The following LARP1 variants were observed in gnomAD, a reference collection of about 807,000 sequenced individuals.
LARP1 encodes La ribonucleoprotein 1, translational regulator.
A neutral mutation model predicts 122.7 loss-of-function variants in LARP1; 36 were observed. That is an observed-to-expected ratio of 0.29 (90% CI 0.22 to 0.39). The LOEUF (loss-of-function observed/expected upper bound fraction) is 0.39, where lower values mean the gene tolerates loss of function less well. Among genes scored for constraint, LARP1 ranks in the 10% least tolerant of loss-of-function variants. The pLI, the probability that LARP1 is intolerant of heterozygous loss-of-function variation, is 1.00. For synonymous variants in LARP1, 539 were observed against 528.7 expected, an observed-to-expected ratio of 1.02 and a Z score of -0.27; for missense variants, 1,040 against 1,403.6, an observed-to-expected ratio of 0.74 and a Z score of 4.14.
chr5:154,703,701 A>G (rs1582165334), intron 1 of LARP1, among the ~76,000 whole-genome samples: 1 of 152,034 alleles, frequency 6.6e-6, no homozygotes, highest in African/African-American at 2.4e-5. Flanking sequence ...GCTCACTGCA[A>G]CCTCCGTGAC....
At position 154,814,055 on chromosome 5, in the gene LARP1, T is replaced by C. The variant is rs376870589; in HGVS notation, c.3250T>C (p.Trp1084Arg). 7.9e-5 allele frequency: 127 copies of C among 1,613,714 alleles called. No individual in the cohort carries two copies. The highest frequency in any genetic ancestry group is 1.0e-4 in the Non-Finnish European group (121 of 1,179,928). ...TGQPVREDAKWTSQHSNTQTL... is the reference protein window; with the variant it reads ...TGQPVREDAKRTSQHSNTQTL... ...CCAGCCTGTCCGGGAAGATGCCAAA[T>C]GGACAAGCCAGCACTCGAACACACA... Residue 1084 changes from tryptophan to arginine, a missense_variant, in exon 19 of 19, where the codon TGG becomes CGG. Trp to Arg is a moderately radical substitution (Grantham distance 101, BLOSUM62 -3). Coordinates refer to ENST00000518297, the MANE Select transcript of LARP1 (RefSeq NM_033551.3).
chr5:154,762,007 C>T (rs559331387), intron 1 of LARP1, among the ~76,000 whole-genome samples: 14 of 152,136 alleles, frequency 9.2e-5, no homozygotes, highest in South Asian at 2.1e-4. Context: ...TTTGGAAGGC[C>T]GAGGCGGGCG....
intron 1 of LARP1, among the ~76,000 whole-genome samples, chr5:154,726,840 T>C (rs535051479): frequency 4.0e-4 from 61 of 152,258 alleles, no homozygotes; most frequent in Non-Finnish European, 6.6e-4. Context: ...AGAAGTCACC[T>C]CCGTACAGGG....
intron 1 of LARP1, among the ~76,000 whole-genome samples, chr5:154,723,771 C>G (rs1242636031): frequency 1.3e-5 from 2 of 152,168 alleles, no homozygotes; most frequent in African/African-American, 4.8e-5. Context: ...AGAATTGAAA[C>G]CCAGGTCTGT....
At chr5:154,778,203 T>C (rs1756081376) in intron 1 of LARP1, among the ~76,000 whole-genome samples, 1 of 145,594 alleles carries the variant, frequency 6.9e-6, no homozygotes, top group Non-Finnish European at 1.5e-5. Context: ...GAGCTTGCAG[T>C]GAGCCGAGAT....
At chr5:154,686,160 T>C (rs928595336) in intron 1 of LARP1, among the ~76,000 whole-genome samples, 1 of 152,250 alleles carries the variant, frequency 6.6e-6, no homozygotes, top group Non-Finnish European at 1.5e-5. Context: ...AAATGTTTTC[T>C]GGATATTTCA....
At chr5:154,718,529 G>C (rs1755654762) in intron 1 of LARP1, 1 of 152,230 alleles carries the variant, frequency 6.6e-6, no homozygotes. Flanking sequence ...AGGCAACCTG[G>C]TGGCCCCCCA....
intron 14 of LARP1, 104 bp downstream of exon 14, chr5:154,804,411 C>A (rs777584492): frequency 1.2e-6 from 1 of 863,896 alleles, no homozygotes; most frequent in Non-Finnish European, 1.9e-6. Flanking sequence ...ATTAAAGGGA[C>A]CCTCATCTAA....
At chr5:154,757,600 A>C (rs1034024415) in intron 1 of LARP1, among the ~76,000 whole-genome samples, 1 of 152,072 alleles carries the variant, frequency 6.6e-6, no homozygotes, top group Non-Finnish European at 1.5e-5. Flanking sequence ...AAACCATCAA[A>C]AATAAAGGGG....
chr5:154,781,069 A>C (rs1360688274), intron 1 of LARP1, among the ~76,000 whole-genome samples: 1 of 152,148 alleles, frequency 6.6e-6, no homozygotes, highest in Non-Finnish European at 1.5e-5. Context: ...ACTCCGTCTC[A>C]AAAAATAAAA....
Position 154,790,404 on chromosome 5 carries a change from G to T in LARP1, c.498+18G>T, listed in dbSNP as rs1757247878. 6.2e-7 allele frequency: 1 copy of T among 1,610,314 alleles called. No individual in the cohort carries two copies. The highest frequency in any genetic ancestry group is 8.5e-7 in the Non-Finnish European group (1 of 1,177,364). ...GCAGCAAGGTAAAGAATAACAGTGG[G>T]CAACCCAAGGGGACTTTCTGGAGTT... is the stretch of plus-strand genomic sequence containing the variant. On this transcript the variant is annotated intron_variant, in intron 2 of 18. Coordinates refer to ENST00000518297, the MANE Select transcript of LARP1 (RefSeq NM_033551.3).
chr5:154,713,939 A>G (rs1261997160), intron 1 of LARP1, among the ~76,000 whole-genome samples: 3 of 152,212 alleles, frequency 2.0e-5, no homozygotes, highest in African/African-American at 7.2e-5. Context: ...GTAGGTATGA[A>G]CACAGGGCCT....
chr5:154,762,855 C>T (rs1483799127), intron 1 of LARP1, among the ~76,000 whole-genome samples: 2 of 152,124 alleles, frequency 1.3e-5, no homozygotes, highest in African/African-American at 4.8e-5. Flanking sequence ...AATTAAGTCC[C>T]ACAGTAGCCA....
chr5:154,733,563 CTTTCT>C (rs1756707475), intron 1 of LARP1, among the ~76,000 whole-genome samples: 1 of 55,642 alleles, frequency 1.8e-5, no homozygotes, highest in African/African-American at 7.8e-5. Flanking sequence ...TCTTTTCTTT[CTTTCT>C]TTTTTTTTTT....
At position 154,789,082 on chromosome 5, in the gene LARP1, G is replaced by A. The variant is rs1033076008; in HGVS notation, c.437-1243G>A. ...AAAAATGAGCTGGGCATGGTGGCGC[G>A]CACTTGCAGTCCCAGCTACTTGGGA... On this transcript the variant is annotated intron_variant, in intron 1 of 18. Transcript: ENST00000518297. 4.6e-5 allele frequency among the ~76,000 whole-genome samples: 7 copies of A among 151,768 alleles called. No homozygotes were observed. In the East Asian group the frequency reaches 9.8e-4, roughly 21 times the overall value.
intron 1 of LARP1, among the ~76,000 whole-genome samples, chr5:154,762,703 C>T (rs572818704): frequency 6.6e-5 from 10 of 152,316 alleles, no homozygotes; most frequent in Admixed American, 6.5e-4. Context: ...GATGATTCCT[C>T]CATGACAGGC....
rs1350514285 is a variant in LARP1, at chr5:154,755,900, A to G, written c.143A>G (p.Glu48Gly). 9 of 1,009,040 alleles carry G rather than the reference A, an allele frequency of 8.9e-6. No homozygotes were observed. In the South Asian group the frequency reaches 3.2e-4, roughly 36 times the overall value. The allele number at this position is 1,009,040 out of a possible 1,614,324, so 62.5% of individuals were successfully genotyped here. ...GGGCCAAACGACGTCCGCGGGGGGG[A>G]GCCGGACGGCAGCGCTCGGAGACCC... ...EPGPNDVRGG[E>G]PDGSARRPRP... Residue 48 changes from glutamate to glycine, a missense_variant, in exon 1 of 19, where the codon GAG becomes GGG. Glu to Gly is a moderately conservative substitution (Grantham distance 98). This residue lies in a region of LARP1 where 257 missense variants were observed against 273.3 expected (regional missense o/e 0.94). Transcript: ENST00000518297.
At chr5:154,813,597 T>C (rs1434098619) in intron 18 of LARP1, among the ~76,000 whole-genome samples, 1 of 152,202 alleles carries the variant, frequency 6.6e-6, no homozygotes, top group Admixed American at 6.5e-5. Context: ...GGTTACCAGC[T>C]ATGAGACCCT....
At chr5:154,720,065 C>T (rs1171931970) in intron 1 of LARP1, among the ~76,000 whole-genome samples, 1 of 151,944 alleles carries the variant, frequency 6.6e-6, no homozygotes, top group African/African-American at 2.4e-5. Flanking sequence ...ATGGCATGTG[C>T]CTGTAGTCCC....
Sources: gnomAD v4.1 joint callset for allele counts (sites outside exome capture counted in the v4.1 genomes callset) on GRCh38, gnomAD v4.1.1 for gene constraint, gnomAD v4.1.1 regional missense constraint, MANE v1.5 for transcripts, NCBI Gene and HGNC (gene_info 2026-07-23, HGNC 2026-07-21) for gene names.